The following ZCCHC17 variants were observed in gnomAD, a reference collection of about 807,000 sequenced individuals.
ZCCHC17 encodes the protein zinc finger CCHC domain-containing protein 17.
A neutral mutation model predicts 30.6 loss-of-function variants in ZCCHC17; 18 were observed. That is an observed-to-expected ratio of 0.59 (90% CI 0.41 to 0.87). The LOEUF is 0.87. Ranked by LOEUF, ZCCHC17 falls within the 40% of genes least tolerant of loss-of-function variation. ZCCHC17 has a pLI of 0.00. For synonymous variants in ZCCHC17, 88 were observed against 92.4 expected (o/e 0.95, Z 0.27); for missense variants, 263 against 284.2 (o/e 0.93, Z 0.54).
Position 31,298,398 on chromosome 1 carries a change from T to G in ZCCHC17, c.-56+1323T>G, listed in dbSNP as rs566713145. Reference sequence around the variant, plus strand: ...ACCAGTTTTTTTTTGTTTTTTTTTTTTTTTTGAGACAGGTTCTTGCTCTGT... The same window carrying G: ...ACCAGTTTTTTTTTGTTTTTTTTTTGTTTTTGAGACAGGTTCTTGCTCTGT... On this transcript the variant is annotated intron_variant, in intron 1 of 7. Transcript: ENST00000344147. 5.9e-5 allele frequency among the ~76,000 whole-genome samples: 9 copies of G among 151,998 alleles called. No individual in the cohort carries two copies. In the South Asian group the frequency reaches 1.7e-3, roughly 28 times the overall value.
intron 1 of ZCCHC17, among the ~76,000 whole-genome samples, chr1:31,301,534 A>G (rs1024206289): frequency 6.6e-6 from 1 of 152,242 alleles, no homozygotes; most frequent in East Asian, 1.9e-4. Flanking sequence ...AGATTAATAC[A>G]TGGCAGATAT....
chr1:31,361,640 C>T (rs1412692263), intron 7 of ZCCHC17, among the ~76,000 whole-genome samples: 1 of 152,154 alleles, frequency 6.6e-6, no homozygotes, highest in African/African-American at 2.4e-5. Context: ...CATAGGAAAA[C>T]TCAGGAGATT....
chr1:31,330,804 A>G (rs560422835), intron 3 of ZCCHC17, among the ~76,000 whole-genome samples: 1 of 152,296 alleles, frequency 6.6e-6, no homozygotes, highest in East Asian at 1.9e-4. Context: ...ATAGTGAGGT[A>G]CTCAGCACAA....
intron 2 of ZCCHC17, among the ~76,000 whole-genome samples, chr1:31,317,071 G>A (rs2148424670): frequency 6.7e-6 from 1 of 148,592 alleles, no homozygotes; most frequent in East Asian, 2.0e-4. Flanking sequence ...TGTTGCCCAG[G>A]CTGGAGTACA....
At chr1:31,300,850 C>T (rs1206380215) in intron 1 of ZCCHC17, among the ~76,000 whole-genome samples, 4 of 151,560 alleles carry the variant, frequency 2.6e-5, no homozygotes, top group Non-Finnish European at 5.9e-5. Context: ...GCAGGAGAAT[C>T]GCTTGAACCT....
intron 3 of ZCCHC17, among the ~76,000 whole-genome samples, chr1:31,328,692 G>A (rs1026643135): frequency 2.0e-5 from 3 of 152,006 alleles, no homozygotes; most frequent in Admixed American, 6.6e-5. Flanking sequence ...GAGTGGGATC[G>A]GGTAAGGTGT....
At chr1:31,306,734 C>T (rs1001778921) in intron 1 of ZCCHC17, among the ~76,000 whole-genome samples, 5 of 152,096 alleles carry the variant, frequency 3.3e-5, no homozygotes, top group African/African-American at 4.8e-5. Flanking sequence ...TTGGCATGAT[C>T]GTACCTCACT....
At chr1:31,354,314 C>A (rs190782515) in intron 7 of ZCCHC17, among the ~76,000 whole-genome samples, 2 of 152,114 alleles carry the variant, frequency 1.3e-5, no homozygotes, top group Admixed American at 1.3e-4. Flanking sequence ...TTCACTTACT[C>A]GTTCTAACAG....
chr1:31,319,080 A>T, intron 2 of ZCCHC17, 29 bp from the exon 3 acceptor site: 1 of 1,598,386 alleles, frequency 6.3e-7, no homozygotes, highest in Non-Finnish European at 8.6e-7. Context: ...CATGTATGTG[A>T]CATTGATTTT....
intron 5 of ZCCHC17, among the ~76,000 whole-genome samples, chr1:31,339,814 A>C (rs1413523953): frequency 6.6e-6 from 1 of 152,084 alleles, no homozygotes; most frequent in Non-Finnish European, 1.5e-5. Flanking sequence ...AGACTCCCAC[A>C]TCTTGGGATA....
chr1:31,323,406 C>CCACCTCCTG (rs1396766321), intron 3 of ZCCHC17, among the ~76,000 whole-genome samples: 1 of 152,072 alleles, frequency 6.6e-6, no homozygotes, highest in Admixed American at 6.5e-5. Context: ...ACTGCAAGCT[C>CCACCTCCTG]CACCTCCTGG....
At chr1:31,357,314 C>T (rs564083049) in intron 7 of ZCCHC17, among the ~76,000 whole-genome samples, 4 of 152,270 alleles carry the variant, frequency 2.6e-5, no homozygotes, top group East Asian at 1.9e-4. Flanking sequence ...CAGCAGAGAG[C>T]GTTGCCCAGT....
At chr1:31,348,143 T>C (rs1200981220) in intron 6 of ZCCHC17, among the ~76,000 whole-genome samples, 1 of 152,142 alleles carries the variant, frequency 6.6e-6, no homozygotes, top group Non-Finnish European at 1.5e-5. Context: ...AAAGGTCAGG[T>C]CAAAGGTAGT....
At chr1:31,329,554 CAT>C (rs147652269) in intron 3 of ZCCHC17, among the ~76,000 whole-genome samples, 4,137 of 152,258 alleles carry the variant, frequency 0.027, 83 homozygotes, top group South Asian at 0.076. Flanking sequence ...GTAAGAGAAA[CAT>C]AATCCCTTGC....
chr1:31,323,542 C>T (rs963740792), intron 3 of ZCCHC17, among the ~76,000 whole-genome samples: 65 of 152,174 alleles, frequency 4.3e-4, no homozygotes, highest in African/African-American at 9.9e-4. Context: ...AGGATGGTCT[C>T]GATCTCCTGA....
In ZCCHC17 at chr1:31,364,190, G is replaced by T; in HGVS notation, c.723G>T (p.Glu241Asp). The T allele has an allele frequency of 1.9e-6, 3 of 1,612,974 alleles. No homozygotes were observed. Among genetic ancestry groups the T allele is most frequent in the Non-Finnish European group, 2.5e-6 (3 of 1,179,720 alleles). ...AGAAGCACAAGAAGAAGCACAAGGA[G>T]TGAGAGTATAAAGAGTGTAGGGGGT... ...KKKKHKKKHK[E>D] is the part of the protein sequence containing the mutation. Residue 241 changes from glutamate (E) to aspartate (D), a missense_variant, in exon 8 of 8, where the codon GAG becomes GAT. Transcript: ENST00000344147.
At chr1:31,349,530 G>A (rs997832344) in intron 7 of ZCCHC17, among the ~76,000 whole-genome samples, 10 of 151,744 alleles carry the variant, frequency 6.6e-5, no homozygotes, top group African/African-American at 2.4e-4. Flanking sequence ...GGGGGGTTTT[G>A]CCTTGTGGGC....
intron 7 of ZCCHC17, among the ~76,000 whole-genome samples, chr1:31,357,560 CTT>C (rs1639687966): frequency 6.6e-6 from 1 of 152,120 alleles, no homozygotes; most frequent in Admixed American, 6.5e-5. Flanking sequence ...CTTCATGGCA[CTT>C]AGATTCTAAT....
intron 6 of ZCCHC17, among the ~76,000 whole-genome samples, chr1:31,348,256 G>A (rs889858804): frequency 5.9e-5 from 9 of 152,130 alleles, no homozygotes; most frequent in Non-Finnish European, 7.4e-5. Context: ...TCTCAAATCT[G>A]GGCTTTCATC....
Sources: allele counts gnomAD v4.1 joint callset (sites outside exome capture counted in the v4.1 genomes callset), GRCh38; gene constraint gnomAD v4.1.1; transcripts MANE v1.5; gene names NCBI Gene and HGNC (gene_info 2026-07-23, HGNC 2026-07-21).